TENM2: variants seen among roughly 807,000 people sequenced by gnomAD.
TENM2 encodes teneurin transmembrane protein 2, also known as teneurin-2.
In TENM2, 52 loss-of-function variants were observed where a neutral mutation model predicts 245.2. The ratio of observed to expected loss-of-function variants is 0.21; its 90% CI spans 0.17 to 0.27. The LOEUF is 0.27. Among genes scored for constraint, TENM2 ranks in the 10% least tolerant of loss-of-function variants. The pLI is 1.00. For missense variants in TENM2, 3,046 were observed against 3,666.8 expected (o/e 0.83, Z 4.37); for synonymous variants, 1,363 against 1,438.9 (o/e 0.95, Z 1.19).
the TENM2 span, among the ~76,000 whole-genome samples, chr5:167,204,295 A>G: frequency 1.3e-5 from 2 of 152,224 alleles, no homozygotes; most frequent in South Asian, 4.1e-4. Flanking sequence ...ATTAGACAAC[A>G]GCATAATTTC....
chr5:168,074,207 C>T lies in TENM2; in HGVS notation c.1515+11942C>T, dbSNP rs190818190. 4.6e-3 allele frequency among the ~76,000 whole-genome samples: 702 copies of T among 152,206 alleles called. 5 individuals carry two copies. Among genetic ancestry groups the T allele is most frequent in the African/African-American group, 0.016 (674 of 41,514 alleles). ...ATTTTTCATTTCCCCTACATCACCCCCCTCCCATACCAGAGACATTCAAAA... is the reference window on the plus strand; with the variant it reads ...ATTTTTCATTTCCCCTACATCACCCTCCTCCCATACCAGAGACATTCAAAA... On this transcript the variant is annotated intron_variant, in intron 7 of 28. Coordinates refer to ENST00000518659, the Ensembl canonical transcript of TENM2.
intron 2 of TENM2, among the ~76,000 whole-genome samples, chr5:167,386,172 C>T (rs779681008): frequency 3.4e-4 from 51 of 151,976 alleles, no homozygotes; most frequent in Admixed American, 2.0e-4. Context: ...CTGTTCACCG[C>T]ATCTATTATT....
the TENM2 span, among the ~76,000 whole-genome samples, chr5:167,126,407 C>T: frequency 6.6e-6 from 1 of 152,142 alleles, no homozygotes; most frequent in Non-Finnish European, 1.5e-5. Context: ...TTTCTATTTT[C>T]ATATATTTCC....
chr5:167,389,550 A>G (rs955269734), intron 2 of TENM2, among the ~76,000 whole-genome samples: 1 of 152,100 alleles, frequency 6.6e-6, no homozygotes, highest in African/African-American at 2.4e-5. Context: ...CATTTCCTCA[A>G]TTTCCTTTCA....
chr5:167,352,323 G>GT (rs1293498870), intron 1 of TENM2, among the ~76,000 whole-genome samples: 1 of 152,116 alleles, frequency 6.6e-6, no homozygotes, highest in Non-Finnish European at 1.5e-5. Flanking sequence ...CCTTGATTTT[G>GT]TAAGTCATTT....
chr5:168,197,925 G>A (rs1761591924), intron 15 of TENM2, among the ~76,000 whole-genome samples: 1 of 152,178 alleles, frequency 6.6e-6, no homozygotes, highest in Non-Finnish European at 1.5e-5. Context: ...CTGATTAGAA[G>A]AATGCTGTAA....
chr5:167,445,336 T>TAGAGAGAGAGAGAGAGAGAGAGAG (rs1554154174), intron 2 of TENM2, among the ~76,000 whole-genome samples: 5 of 77,300 alleles, frequency 6.5e-5, no homozygotes, highest in Admixed American at 1.4e-4. Flanking sequence ...TATATATATA[T>TAGAGAGAGAGAGAGAGAGAGAGAG]AGAGAGAGAG....
chr5:167,832,896 G>A (rs1768631901), intron 2 of TENM2, among the ~76,000 whole-genome samples: 1 of 152,108 alleles, frequency 6.6e-6, no homozygotes, highest in Non-Finnish European at 1.5e-5. Context: ...TTGCTGCACA[G>A]AAATCAGCAA....
the TENM2 span, among the ~76,000 whole-genome samples, chr5:167,001,805 A>G: frequency 4.6e-5 from 7 of 152,094 alleles, no homozygotes; most frequent in African/African-American, 1.4e-4. Flanking sequence ...TGGTAGCTGG[A>G]ATTTGAGTAC....
At chr5:167,746,094 C>T (rs903198996) in intron 2 of TENM2, among the ~76,000 whole-genome samples, 2 of 152,134 alleles carry the variant, frequency 1.3e-5, no homozygotes, top group Non-Finnish European at 2.9e-5. Context: ...AACCAAGAAA[C>T]CAAAGCTTAT....
At chr5:167,487,064 G>A (rs1768119713) in intron 2 of TENM2, among the ~76,000 whole-genome samples, 1 of 152,218 alleles carries the variant, frequency 6.6e-6, no homozygotes, top group Non-Finnish European at 1.5e-5. Flanking sequence ...TTAGACTTCT[G>A]ATAGGCGGAT....
At chr5:168,107,803 A>G (rs1794373721) in intron 9 of TENM2, among the ~76,000 whole-genome samples, 2 of 152,270 alleles carry the variant, frequency 1.3e-5, no homozygotes, top group African/African-American at 4.8e-5. Flanking sequence ...CTTTCCTATC[A>G]AACTGCTGCT....
At chr5:167,283,414 C>T (rs990603523), upstream of TENM2, among the ~76,000 whole-genome samples, 7 of 152,040 alleles carry the variant, frequency 4.6e-5, no homozygotes, top group African/African-American at 9.7e-5. Flanking sequence ...ACAGTGTACA[C>T]GTAGTATAGA....
intron 2 of TENM2, among the ~76,000 whole-genome samples, chr5:167,483,041 T>C (rs943883169): frequency 6.6e-6 from 1 of 152,234 alleles, no homozygotes; most frequent in East Asian, 1.9e-4. Flanking sequence ...ATACCACTTA[T>C]GGTATTTACG....
chr5:168,193,117 C>G lies in TENM2; in HGVS notation c.2781-2059C>G, dbSNP rs185799495. 9.2e-5 allele frequency among the ~76,000 whole-genome samples: 14 copies of G among 152,274 alleles called. No individual in the cohort carries two copies. The East Asian group carries it at 2.7e-3, about 29-fold the overall frequency. On this transcript the variant is annotated intron_variant, in intron 14 of 28. Transcript: ENST00000518659. ...GAAAGTTGCTTTAGAGAAAGCGTCT[C>G]GGAAGCTTTAAATGTAAACAATAAA...
chr5:168,262,328 G>C, exon 29 of TENM2: 1 of 1,609,884 alleles, frequency 6.2e-7, no homozygotes, highest in Non-Finnish European at 8.5e-7. Flanking sequence ...CAGCATCGAG[G>C]GCAAGGACAC....
chr5:167,376,897 T>C (rs1043048810), intron 2 of TENM2, among the ~76,000 whole-genome samples: 7 of 152,352 alleles, frequency 4.6e-5, no homozygotes, highest in South Asian at 2.1e-4. Context: ...GAAGGCAATT[T>C]GATTGCCTAA....
chr5:167,768,761 G>A (rs1763208164), intron 2 of TENM2, among the ~76,000 whole-genome samples: 1 of 152,170 alleles, frequency 6.6e-6, no homozygotes, highest in Admixed American at 6.6e-5. Flanking sequence ...TGAGATTCTT[G>A]TGATGATTAA....
intron 2 of TENM2, among the ~76,000 whole-genome samples, chr5:167,661,834 G>A (rs551742426): frequency 2.0e-5 from 3 of 152,300 alleles, no homozygotes; most frequent in South Asian, 2.1e-4. Context: ...CAAACAGGCC[G>A]TCTACTCACT....
Sources: gnomAD v4.1 joint callset for allele counts (sites outside exome capture counted in the v4.1 genomes callset) on GRCh38, gnomAD v4.1.1 for gene constraint, MANE v1.5 for transcripts, NCBI Gene and HGNC (gene_info 2026-07-23, HGNC 2026-07-21) for gene names.